Variants in CDK19 observed in about 807,000 individuals in gnomAD.
The protein encoded by CDK19 is cyclin dependent kinase 19.
A neutral mutation model predicts 68.3 loss-of-function variants in CDK19; 20 were observed. That is an observed-to-expected ratio of 0.29 (90% CI 0.21 to 0.43). CDK19 has a LOEUF of 0.43. Ranked by LOEUF, CDK19 falls within the 20% of genes least tolerant of loss-of-function variation. CDK19 has a pLI of 1.00. For missense variants in CDK19, 339 were observed against 623.5 expected, an observed-to-expected ratio of 0.54 and a Z score of 4.86; for synonymous variants, 221 against 222.8, an observed-to-expected ratio of 0.99 and a Z score of 0.07.
At chr6:110,745,540 CATTA>C (rs775046869) in intron 2 of CDK19, among the ~76,000 whole-genome samples, 5 of 151,988 alleles carry the variant, frequency 3.3e-5, no homozygotes, top group South Asian at 2.1e-4. Context: ...GAAAAATAGA[CATTA>C]ATTAAATTAC....
Position 110,759,590 on chromosome 6 carries a change from C to A in CDK19, c.129-13389G>T, listed in dbSNP as rs1276195721. Among the ~76,000 whole-genome samples the A allele has an allele frequency of 2.7e-5, 4 of 150,564 alleles. No homozygotes were observed. The South Asian group carries it at 6.3e-4, about 24-fold the overall frequency. On this transcript the variant is annotated intron_variant, in intron 1 of 12. Transcript: ENST00000368911. ...TGCACTCTAGCCCAGCAGTTCAAGG[C>A]CAACCTGGGCATTATAGCAAAACCC...
chr6:110,686,670 T>C (rs1772516054), intron 2 of CDK19, among the ~76,000 whole-genome samples: 1 of 152,210 alleles, frequency 6.6e-6, no homozygotes, highest in South Asian at 2.1e-4. Flanking sequence ...TGAGAAAATA[T>C]TATTTTCAAA....
chr6:110,636,223 AAGTT>A (rs1445668047), intron 5 of CDK19, among the ~76,000 whole-genome samples: 1 of 152,254 alleles, frequency 6.6e-6, no homozygotes, highest in Non-Finnish European at 1.5e-5. Context: ...AATGGAGGAT[AAGTT>A]ACCACAAGAT....
intron 6 of CDK19, among the ~76,000 whole-genome samples, chr6:110,627,739 T>G (rs1412647129): frequency 6.6e-6 from 1 of 152,132 alleles, no homozygotes; most frequent in Non-Finnish European, 1.5e-5. Flanking sequence ...TGTTAATAAT[T>G]TAATCATTAA....
At chr6:110,739,018 G>A (rs756504261) in intron 2 of CDK19, among the ~76,000 whole-genome samples, 7 of 152,204 alleles carry the variant, frequency 4.6e-5, no homozygotes, top group Non-Finnish European at 7.3e-5. Flanking sequence ...AGAAAGAACT[G>A]AGCAGAGGTG....
chr6:110,791,232 T>G (rs576432804), intron 1 of CDK19, among the ~76,000 whole-genome samples: 5 of 152,010 alleles, frequency 3.3e-5, no homozygotes, highest in Non-Finnish European at 7.4e-5. Flanking sequence ...ACACTGGTTC[T>G]GATCTGTCAT....
chr6:110,791,730 G>A (rs935127877), intron 1 of CDK19, among the ~76,000 whole-genome samples: 7 of 151,806 alleles, frequency 4.6e-5, no homozygotes, highest in Non-Finnish European at 4.4e-5. Context: ...GGGTTCAAGC[G>A]ATCCTCCTGC....
intron 2 of CDK19, among the ~76,000 whole-genome samples, chr6:110,675,495 C>T (rs186290248): frequency 4.7e-4 from 72 of 152,036 alleles, no homozygotes; most frequent in Middle Eastern, 3.4e-3. Flanking sequence ...GGTGTGGTGG[C>T]GCATGCCTGT....
intron 4 of CDK19, among the ~76,000 whole-genome samples, chr6:110,657,313 A>C (rs1195032905): frequency 6.6e-6 from 1 of 152,200 alleles, no homozygotes; most frequent in African/African-American, 2.4e-5. Flanking sequence ...ATGTGTGCTT[A>C]GTTGAGGATA....
chr6:110,724,786 T>A (rs1372069054), intron 2 of CDK19, among the ~76,000 whole-genome samples: 2 of 152,248 alleles, frequency 1.3e-5, no homozygotes, highest in African/African-American at 4.8e-5. Context: ...ATCTTTTTTT[T>A]TTATTGTTTC....
intron 6 of CDK19, among the ~76,000 whole-genome samples, chr6:110,630,973 T>C (rs1411178467): frequency 6.6e-6 from 1 of 152,222 alleles, no homozygotes; most frequent in Non-Finnish European, 1.5e-5. Context: ...TTTTAACCCA[T>C]GAGTAGGCTA....
intron 1 of CDK19, among the ~76,000 whole-genome samples, chr6:110,810,400 G>A (rs1037120362): frequency 1.3e-5 from 2 of 152,148 alleles, no homozygotes; most frequent in African/African-American, 2.4e-5. Flanking sequence ...GGACTATAGT[G>A]AGAGACCAAC....
chr6:110,678,727 C>T (rs149154812), intron 2 of CDK19, among the ~76,000 whole-genome samples: 1 of 152,106 alleles, frequency 6.6e-6, no homozygotes, highest in African/African-American at 2.4e-5. Context: ...GAAAAAAATG[C>T]ATTGTTAGGG....
At chr6:110,780,998 C>T (rs528277033) in intron 1 of CDK19, among the ~76,000 whole-genome samples, 2 of 152,210 alleles carry the variant, frequency 1.3e-5, no homozygotes, top group South Asian at 2.1e-4. Context: ...TACTACATAG[C>T]ATTATGTAGT....
chr6:110,663,990 T>C (rs1386038188), intron 4 of CDK19, among the ~76,000 whole-genome samples: 2 of 152,202 alleles, frequency 1.3e-5, no homozygotes, highest in East Asian at 3.9e-4. Context: ...GTAATAATAA[T>C]CAGTGGTGGC....
At chr6:110,781,820 C>T (rs1280239093) in intron 1 of CDK19, among the ~76,000 whole-genome samples, 9 of 148,142 alleles carry the variant, frequency 6.1e-5, no homozygotes, top group African/African-American at 1.2e-4. Flanking sequence ...TAGGTGACAA[C>T]GTGAGACCCT....
At chr6:110,735,043 A>G (rs1240205948) in intron 2 of CDK19, among the ~76,000 whole-genome samples, 1 of 152,122 alleles carries the variant, frequency 6.6e-6, no homozygotes, top group Admixed American at 6.6e-5. Flanking sequence ...ACACATGGTT[A>G]TGGAAAGGAA....
At chr6:110,779,437 T>C (rs1321815498) in intron 1 of CDK19, among the ~76,000 whole-genome samples, 1 of 152,168 alleles carries the variant, frequency 6.6e-6, no homozygotes, top group Non-Finnish European at 1.5e-5. Context: ...GAAACTATAA[T>C]GTAATGTGGA....
intron 6 of CDK19, among the ~76,000 whole-genome samples, chr6:110,628,859 T>C (rs546792192): frequency 6.6e-6 from 1 of 152,332 alleles, no homozygotes; most frequent in South Asian, 2.1e-4. Flanking sequence ...CATTTTTTAA[T>C]TACACCATTG....
Sources: gnomAD v4.1 joint callset for allele counts (sites outside exome capture counted in the v4.1 genomes callset) on GRCh38, gnomAD v4.1.1 for gene constraint, MANE v1.5 for transcripts, NCBI Gene and HGNC (gene_info 2026-07-23, HGNC 2026-07-21) for gene names.